Variants in PTPRG observed in about 807,000 individuals in gnomAD.
PTPRG encodes the protein protein tyrosine phosphatase receptor type G, also known as receptor-type tyrosine-protein phosphatase gamma.
In PTPRG, 102 loss-of-function variants were observed where a neutral mutation model predicts 165.3. That is an observed-to-expected ratio of 0.62 (90% CI 0.53 to 0.73). The LOEUF is 0.73. Among genes scored for constraint, PTPRG ranks in the 30% least tolerant of loss-of-function variants. The pLI is 0.00. For synonymous variants in PTPRG, 675 were observed against 669.5 expected (o/e 1.01, Z -0.13); for missense variants, 1,866 against 1,861.4 (o/e 1.00, Z -0.05).
intron 5 of PTPRG, among the ~76,000 whole-genome samples, chr3:62,099,913 C>T (rs1483807041): frequency 6.6e-6 from 1 of 151,034 alleles, no homozygotes; most frequent in East Asian, 2.0e-4. Context: ...ATTCTCCTGC[C>T]TCAGCCTCCG....
At chr3:62,136,855 G>T (rs999056472) in intron 6 of PTPRG, among the ~76,000 whole-genome samples, 28 of 152,124 alleles carry the variant, frequency 1.8e-4, no homozygotes, top group African/African-American at 6.8e-4. Context: ...TTTGTAAACT[G>T]CCCAGTCTTG....
chr3:61,866,582 CTTTTTTTTTTTTTTTTT>C (rs532356516), intron 2 of PTPRG, among the ~76,000 whole-genome samples: 46 of 69,112 alleles, frequency 6.7e-4, no homozygotes, highest in South Asian at 2.7e-3. Flanking sequence ...ACTGTTTGCT[CTTTTTTTTTTTTTTTTT>C]TTTTTTTTTT....
intron 2 of PTPRG, among the ~76,000 whole-genome samples, chr3:61,822,308 C>T (rs2035978715): frequency 6.6e-6 from 1 of 152,204 alleles, no homozygotes; most frequent in African/African-American, 2.4e-5. Context: ...AAGGTAAAAG[C>T]CAGCCTGAAA....
rs200385287 is a variant in PTPRG at position 61,861,306 on chromosome 3, G to GA, written c.190+112334dup. On this transcript the variant is annotated intron_variant, in intron 2 of 29. Coordinates refer to ENST00000474889, the MANE Select transcript of PTPRG (RefSeq NM_002841.4). Reference sequence around the variant, plus strand: ...CAATGAGTAGCTTTTTCTTAGTGGGGAAAAAAAAAATTGGCACAGTCACTG... The same window carrying GA: ...CAATGAGTAGCTTTTTCTTAGTGGGGAAAAAAAAAAATTGGCACAGTCACTG... Among the ~76,000 whole-genome samples, 263 of 149,844 alleles carry GA rather than the reference G, an allele frequency of 1.8e-3. 1 individual carries two copies. The highest frequency in any genetic ancestry group is 5.7e-3 in the African/African-American group (232 of 40,900).
chr3:61,654,222 C>A (rs868207769), intron 1 of PTPRG, among the ~76,000 whole-genome samples: 1 of 152,134 alleles, frequency 6.6e-6, no homozygotes, highest in Non-Finnish European at 1.5e-5. Context: ...CTTTAACCAA[C>A]ACCTGCCCGC....
intron 2 of PTPRG, among the ~76,000 whole-genome samples, chr3:61,970,494 C>T (rs251040): frequency 0.027 from 4,046 of 152,220 alleles, 62 homozygotes; most frequent in Non-Finnish European, 0.043. Flanking sequence ...ATAAGTAATA[C>T]TTGACAAATA....
intron 2 of PTPRG, among the ~76,000 whole-genome samples, chr3:61,751,941 C>T (rs890535442): frequency 6.6e-6 from 1 of 151,792 alleles, no homozygotes; most frequent in South Asian, 2.1e-4. Flanking sequence ...TGCAGTGAGC[C>T]GAGATTGCGC....
chr3:61,792,409 A>T (rs1269511777), intron 2 of PTPRG, among the ~76,000 whole-genome samples: 1 of 151,846 alleles, frequency 6.6e-6, no homozygotes, highest in Admixed American at 6.6e-5. Flanking sequence ...AGTTTTTTGT[A>T]GAGATAGGGA....
intron 5 of PTPRG, among the ~76,000 whole-genome samples, chr3:62,083,074 C>G (rs1701632902): frequency 6.6e-6 from 1 of 152,168 alleles, no homozygotes; most frequent in Admixed American, 6.5e-5. Context: ...TGTTAAAACA[C>G]TCAAGAGAAT....
chr3:62,163,677 A>G (rs903992027), intron 7 of PTPRG, among the ~76,000 whole-genome samples: 2 of 152,208 alleles, frequency 1.3e-5, no homozygotes, highest in East Asian at 1.9e-4. Context: ...TTCCTCATGA[A>G]ATAATAATGA....
chr3:62,109,317 C>T (rs1312565005), intron 5 of PTPRG, among the ~76,000 whole-genome samples: 2 of 152,128 alleles, frequency 1.3e-5, no homozygotes, highest in African/African-American at 4.8e-5. Context: ...TTCCCCATTG[C>T]TTGTGTGTGT....
At chr3:61,896,615 A>T (rs1395274453) in intron 2 of PTPRG, among the ~76,000 whole-genome samples, 1 of 152,210 alleles carries the variant, frequency 6.6e-6, no homozygotes, top group Non-Finnish European at 1.5e-5. Flanking sequence ...ATGCAGTTTT[A>T]TGAGAAATTG....
chr3:62,280,990 T>G (rs1395166603), intron 26 of PTPRG, among the ~76,000 whole-genome samples: 1 of 152,018 alleles, frequency 6.6e-6, no homozygotes, highest in Non-Finnish European at 1.5e-5. Flanking sequence ...ATGCCAATAT[T>G]GAGTACATTT....
intron 2 of PTPRG, among the ~76,000 whole-genome samples, chr3:61,848,361 G>A (rs1008409451): frequency 8.5e-5 from 13 of 152,226 alleles, no homozygotes; most frequent in African/African-American, 3.1e-4. Context: ...TCAAGGGAAA[G>A]CACTTTGTGT....
At chr3:62,136,427 A>G (rs1703712131) in intron 6 of PTPRG, among the ~76,000 whole-genome samples, 1 of 152,202 alleles carries the variant, frequency 6.6e-6, no homozygotes, top group African/African-American at 2.4e-5. Flanking sequence ...GGACCAGTAT[A>G]GATGAAGGTG....
chr3:61,774,828 G>C (rs528250339), intron 2 of PTPRG, among the ~76,000 whole-genome samples: 3 of 152,238 alleles, frequency 2.0e-5, no homozygotes, highest in South Asian at 2.1e-4. Context: ...GCCTTGAAAA[G>C]GTTATTAGTT....
chr3:62,030,706 CAG>C (rs1290754872), intron 4 of PTPRG, among the ~76,000 whole-genome samples: 5 of 152,086 alleles, frequency 3.3e-5, no homozygotes, highest in African/African-American at 1.2e-4. Context: ...GAACAGCAAA[CAG>C]TATGAAATGA....
At position 61,651,996 on chromosome 3, in the gene PTPRG, C is replaced by T. The variant is rs186406664; in HGVS notation, c.85+89624C>T. ...CTGCACTCCAGCCTGGGCTACACAG[C>T]GAGACTTCATCTCAATATATATATA... is the stretch of plus-strand genomic sequence containing the variant. On this transcript the variant is annotated intron_variant, in intron 1 of 29. Transcript: ENST00000474889. Among the ~76,000 whole-genome samples, 108 of 151,454 alleles carry T rather than the reference C, an allele frequency of 7.1e-4. 1 individual carries two copies. Among genetic ancestry groups the T allele is most frequent in the African/African-American group, 2.4e-3 (101 of 41,356 alleles).
At chr3:61,785,727 A>G (rs1455627198) in intron 2 of PTPRG, among the ~76,000 whole-genome samples, 1 of 152,204 alleles carries the variant, frequency 6.6e-6, no homozygotes, top group Non-Finnish European at 1.5e-5. Flanking sequence ...AATACAGTAT[A>G]AAATCTTTAT....
Sources: allele counts gnomAD v4.1 joint callset (sites outside exome capture counted in the v4.1 genomes callset), GRCh38; gene constraint gnomAD v4.1.1; transcripts MANE v1.5; gene names NCBI Gene and HGNC (gene_info 2026-07-23, HGNC 2026-07-21).